The following PPP4R2 variants were observed in gnomAD, a reference collection of about 807,000 sequenced individuals.
PPP4R2 encodes the protein serine/threonine-protein phosphatase 4 regulatory subunit 2.
In PPP4R2, 13 loss-of-function variants were observed where a neutral mutation model predicts 47.2. The observed-to-expected ratio is 0.28, with a 90% CI of 0.18 to 0.44. The LOEUF (loss-of-function observed/expected upper bound fraction) is 0.44, where lower values mean the gene tolerates loss of function less well. Ranked by LOEUF, PPP4R2 falls within the 20% of genes least tolerant of loss-of-function variation. The pLI is 1.00. For missense variants in PPP4R2, 421 were observed against 491.2 expected (o/e 0.86, Z 1.35); for synonymous variants, 151 against 163.3 (o/e 0.92, Z 0.57).
At chr3:73,032,405 CAGCCTCCTGAGTA>C (rs1247889368) in intron 2 of PPP4R2, among the ~76,000 whole-genome samples, 1 of 52,706 alleles carries the variant, frequency 1.9e-5, no homozygotes, top group African/African-American at 1.2e-4. Flanking sequence ...TCTCCTGCCT[CAGCCTCCTGAGTA>C]GCTGAGATTA....
At chr3:73,024,438 C>T (rs945404467) in intron 2 of PPP4R2, among the ~76,000 whole-genome samples, 2 of 152,154 alleles carry the variant, frequency 1.3e-5, no homozygotes, top group Non-Finnish European at 2.9e-5. Context: ...GAGAACCAAA[C>T]TAAAACCTAA....
intron 2 of PPP4R2, among the ~76,000 whole-genome samples, chr3:73,032,817 T>A (rs1170823041): frequency 6.6e-6 from 1 of 152,238 alleles, no homozygotes; most frequent in Non-Finnish European, 1.5e-5. Context: ...AATATATACG[T>A]TGTCTCTGTT....
rs545224554 is a variant in PPP4R2 at position 73,062,826 on chromosome 3, G to A, written c.420-847G>A. The A allele has an allele frequency of 4.3e-6, 7 of 1,613,920 alleles. No homozygotes were observed. The East Asian group carries it at 1.6e-4, about 36-fold the overall frequency. On this transcript the variant is annotated intron_variant, in intron 5 of 8. Coordinates refer to ENST00000356692, the MANE Select transcript of PPP4R2 (RefSeq NM_174907.4). Reference sequence around the variant, plus strand: ...AGGTTGGATCAGCTCAAGACCATGGGTTGGAGAATTAATGTTCACACTTCT... The same window carrying A: ...AGGTTGGATCAGCTCAAGACCATGGATTGGAGAATTAATGTTCACACTTCT...
At chr3:73,023,697 A>G (rs933784470) in intron 2 of PPP4R2, among the ~76,000 whole-genome samples, 1 of 152,242 alleles carries the variant, frequency 6.6e-6, no homozygotes, top group Non-Finnish European at 1.5e-5. Context: ...AATATAGCAT[A>G]TTAATTTAGA....
intron 3 of PPP4R2, among the ~76,000 whole-genome samples, chr3:73,049,527 A>C (rs1312997531): frequency 6.6e-6 from 1 of 152,090 alleles, no homozygotes; most frequent in Non-Finnish European, 1.5e-5. Flanking sequence ...TCTCGGGGTT[A>C]TTTATAAATT....
At chr3:73,051,478 T>G (rs989241686) in intron 3 of PPP4R2, among the ~76,000 whole-genome samples, 2 of 152,222 alleles carry the variant, frequency 1.3e-5, no homozygotes, top group Admixed American at 6.5e-5. Flanking sequence ...CTTTTGACTT[T>G]CTTTTGCTAA....
chr3:73,022,962 C>T lies in PPP4R2; in HGVS notation c.117-24224C>T, dbSNP rs1321238892. Among the ~76,000 whole-genome samples the T allele has an allele frequency of 2.6e-5, 4 of 152,022 alleles. No individual in the cohort carries two copies. In the East Asian group the frequency reaches 7.7e-4, roughly 29 times the overall value. ...GGCTGATTTAAATAATGGTGTGTTT[C>T]AGGTAAGAAAATGTTTTAAGAGACA... On this transcript the variant is annotated intron_variant, in intron 2 of 8. Coordinates refer to ENST00000356692, the MANE Select transcript of PPP4R2 (RefSeq NM_174907.4).
chr3:73,068,487 A>C lies in PPP4R2; in HGVS notation c.*2765A>C, dbSNP rs1238082995. On this transcript the variant is annotated 3_prime_UTR_variant, in exon 9 of 9. Coordinates refer to ENST00000356692, the MANE Select transcript of PPP4R2 (RefSeq NM_174907.4). ...TCTGAAAAATGTAGCAGAAGTAGTGAAAATGTCATATTTTAAATGTTGATT... is the reference window on the plus strand; with the variant it reads ...TCTGAAAAATGTAGCAGAAGTAGTGCAAATGTCATATTTTAAATGTTGATT... 1 of 152,230 alleles carries C rather than the reference A, an allele frequency of 6.6e-6. No individual in the cohort carries two copies. Among genetic ancestry groups the C allele is most frequent in the Non-Finnish European group, 1.5e-5 (1 of 68,046 alleles). 9.4% of individuals were successfully genotyped at this position (152,230 alleles called of 1,614,324 possible). A position where few individuals can be genotyped will look rare whatever the true frequency, so the allele number is the denominator to read the frequency against.
chr3:73,060,621 C>G (rs757671898), intron 4 of PPP4R2, among the ~76,000 whole-genome samples: 4 of 152,178 alleles, frequency 2.6e-5, no homozygotes, highest in African/African-American at 7.2e-5. Context: ...ATATATGATG[C>G]AACACAACAA....
At chr3:73,008,080 A>C (rs1448822516) in intron 2 of PPP4R2, among the ~76,000 whole-genome samples, 6 of 111,374 alleles carry the variant, frequency 5.4e-5, no homozygotes, top group Non-Finnish European at 1.0e-4. Context: ...TTTTCCCTTA[A>C]TCTTGCTTTG....
intron 2 of PPP4R2, among the ~76,000 whole-genome samples, chr3:73,028,403 A>C (rs781440912): frequency 6.6e-6 from 1 of 151,918 alleles, no homozygotes; most frequent in Non-Finnish European, 1.5e-5. Flanking sequence ...CATTTGATCG[A>C]GGCCCAAGAA....
intron 2 of PPP4R2, among the ~76,000 whole-genome samples, chr3:73,022,571 A>G (rs1701981761): frequency 6.6e-6 from 1 of 152,160 alleles, no homozygotes; most frequent in Non-Finnish European, 1.5e-5. Context: ...TTTTTCTGTT[A>G]CATATGTAAA....
intron 1 of PPP4R2, among the ~76,000 whole-genome samples, chr3:72,997,796 T>C (rs1701381069): frequency 6.6e-6 from 1 of 152,152 alleles, no homozygotes; most frequent in African/African-American, 2.4e-5. Flanking sequence ...CCCAGCTTAA[T>C]ATAATGCTGG....
At chr3:73,018,466 G>GTTATGTTTGTTATGTTATGTTATGTTATT (rs1553646475) in intron 2 of PPP4R2, among the ~76,000 whole-genome samples, 3 of 68,744 alleles carry the variant, frequency 4.4e-5, no homozygotes, top group Admixed American at 1.4e-4. Context: ...TGTTATGTTA[G>GTTATGTTTGTTATGTTATGTTATGTTATT]TATCCGAAAC....
intron 2 of PPP4R2, among the ~76,000 whole-genome samples, chr3:73,018,187 C>T (rs145795959): frequency 1.3e-5 from 2 of 152,148 alleles, no homozygotes; most frequent in South Asian, 2.1e-4. Flanking sequence ...TTGACCCTTA[C>T]ACAACACAGG....
intron 2 of PPP4R2, among the ~76,000 whole-genome samples, chr3:73,034,279 CATT>C (rs1186170352): frequency 1.3e-5 from 2 of 152,146 alleles, no homozygotes; most frequent in Non-Finnish European, 2.9e-5. Flanking sequence ...ATGGTGCCAT[CATT>C]GAGTTAGTAG....
At chr3:73,037,350 C>A (rs565096707) in intron 2 of PPP4R2, among the ~76,000 whole-genome samples, 14 of 152,144 alleles carry the variant, frequency 9.2e-5, no homozygotes, top group Non-Finnish European at 1.9e-4. Context: ...AAATCTTATT[C>A]CTCAAATTTT....
chr3:73,062,889 A>T, intron 5 of PPP4R2: 2 of 1,610,016 alleles, frequency 1.2e-6, no homozygotes, highest in South Asian at 2.2e-5. Flanking sequence ...CAAGCTACGC[A>T]AGTCAAGTTA....
chr3:73,004,844 GGTGTGTGT>G (rs751819640), intron 2 of PPP4R2, among the ~76,000 whole-genome samples: 1 of 99,496 alleles, frequency 1.0e-5, no homozygotes, highest in Non-Finnish European at 1.9e-5. Context: ...TACAGTGTGG[GGTGTGTGT>G]GTGTGTGTGT....
Sources: gnomAD v4.1 joint callset for allele counts (sites outside exome capture counted in the v4.1 genomes callset) on GRCh38, gnomAD v4.1.1 for gene constraint, MANE v1.5 for transcripts, NCBI Gene and HGNC (gene_info 2026-07-23, HGNC 2026-07-21) for gene names.